GRHL2: variants seen among roughly 807,000 people sequenced by gnomAD.
The protein encoded by GRHL2 is grainyhead like transcription factor 2, also known as grainyhead-like protein 2 homolog.
In GRHL2, 21 loss-of-function variants were observed where a neutral mutation model predicts 83.8. That is an observed-to-expected ratio of 0.25 (90% CI 0.18 to 0.36). The LOEUF (loss-of-function observed/expected upper bound fraction) is 0.36. Ranked by LOEUF, GRHL2 falls within the 10% of genes least tolerant of loss-of-function variation. GRHL2 has a pLI of 1.00. For missense variants in GRHL2, 623 were observed against 781.8 expected (o/e 0.80, Z 2.42); for synonymous variants, 280 against 278.9 (o/e 1.00, Z -0.04).
chr8:101,517,559 T>G (rs1032521083), intron 1 of GRHL2, among the ~76,000 whole-genome samples: 2 of 152,244 alleles, frequency 1.3e-5, no homozygotes, highest in Non-Finnish European at 2.9e-5. Context: ...GATTCAGCTC[T>G]GCAAGACACT....
chr8:101,499,903 C>T lies in GRHL2; in HGVS notation c.20+7114C>T, dbSNP rs150922056. Among the ~76,000 whole-genome samples, 512 of 152,156 alleles carry T rather than the reference C, an allele frequency of 3.4e-3. 5 individuals are homozygous for T. Among genetic ancestry groups the T allele is most frequent in the African/African-American group, 0.012 (482 of 41,498 alleles). Reference sequence around the variant, plus strand: ...TCAGTCTGGCCAATATGGTGAAACCCCGTCTTTAGTAATAACACAAAAATT... The same window carrying T: ...TCAGTCTGGCCAATATGGTGAAACCTCGTCTTTAGTAATAACACAAAAATT... On this transcript the variant is annotated intron_variant, in intron 1 of 15. Coordinates refer to ENST00000646743, the MANE Select transcript of GRHL2 (RefSeq NM_024915.4).
intron 1 of GRHL2, among the ~76,000 whole-genome samples, chr8:101,496,599 G>T (rs1443922730): frequency 6.6e-6 from 1 of 152,136 alleles, no homozygotes; most frequent in Non-Finnish European, 1.5e-5. Flanking sequence ...GGGCAGGCTT[G>T]TTGACACTAA....
chr8:101,631,800 A>C, intron 10 of GRHL2, 76 bp downstream of exon 10: 1 of 1,232,998 alleles, frequency 8.1e-7, no homozygotes, highest in Non-Finnish European at 1.2e-6. Context: ...CAGGTGGAAG[A>C]AGTGGGTTGC....
intron 1 of GRHL2, among the ~76,000 whole-genome samples, chr8:101,521,386 G>C (rs1354556223): frequency 6.6e-6 from 1 of 152,176 alleles, no homozygotes; most frequent in Non-Finnish European, 1.5e-5. Flanking sequence ...TTCAGTGACG[G>C]GCAACAGGAT....
chr8:101,550,404 A>T (rs1811354924), intron 2 of GRHL2, among the ~76,000 whole-genome samples: 1 of 152,126 alleles, frequency 6.6e-6, no homozygotes, highest in Admixed American at 6.5e-5. Flanking sequence ...TGTCAATGTG[A>T]ACCCAATGTT....
At chr8:101,572,133 A>T (rs1196405376) in intron 5 of GRHL2, among the ~76,000 whole-genome samples, 1 of 152,196 alleles carries the variant, frequency 6.6e-6, no homozygotes, top group African/African-American at 2.4e-5. Context: ...TTTATCTGGG[A>T]AGGAAAATTC....
At position 101,520,107 on chromosome 8, in the gene GRHL2, A is replaced by T. The variant is rs143157268; in HGVS notation, c.21-23134A>T. ...AGAAGGGACATCTTGTGTAAGCAAC[A>T]TATTTTGTATGGATTTTATACAGAC... On this transcript the variant is annotated intron_variant, in intron 1 of 15. Transcript: ENST00000646743. Among the ~76,000 whole-genome samples, 69 of 152,330 alleles carry T rather than the reference A, an allele frequency of 4.5e-4. No individual in the cohort carries two copies. The East Asian group carries it at 0.013, about 28-fold the overall frequency.
At chr8:101,539,444 G>A (rs1043494020) in intron 1 of GRHL2, among the ~76,000 whole-genome samples, 9 of 152,056 alleles carry the variant, frequency 5.9e-5, no homozygotes, top group African/African-American at 2.2e-4. Context: ...GGCACCGAGG[G>A]TGGCCCCAAC....
intron 1 of GRHL2, among the ~76,000 whole-genome samples, chr8:101,511,887 G>A (rs1255478220): frequency 6.6e-6 from 1 of 152,010 alleles, no homozygotes; most frequent in Non-Finnish European, 1.5e-5. Flanking sequence ...TTACATAATT[G>A]TTTTTCTAGA....
At chr8:101,551,802 C>CT (rs2130151670) in intron 2 of GRHL2, among the ~76,000 whole-genome samples, 1 of 149,042 alleles carries the variant, frequency 6.7e-6, no homozygotes, top group Non-Finnish European at 1.5e-5. Context: ...TCAATGAGCA[C>CT]TTTTTCAATA....
rs150519700 is a variant in GRHL2, at chr8:101,510,216, C to T, written c.20+17427C>T. On this transcript the variant is annotated intron_variant, in intron 1 of 15. Transcript: ENST00000646743. ...TTCACCATGTTGCCCAGGCTGGTCT[C>T]GAACTCCTGGGCTCGAGTGATCAGC... is the stretch of plus-strand genomic sequence containing the variant. Among the ~76,000 whole-genome samples, 1,171 of 152,142 alleles carry T rather than the reference C, an allele frequency of 7.7e-3. 9 individuals carry two copies. Among genetic ancestry groups the T allele is most frequent in the Non-Finnish European group, 9.5e-3 (647 of 67,982 alleles).
At chr8:101,524,162 T>C (rs1810753617) in intron 1 of GRHL2, among the ~76,000 whole-genome samples, 1 of 152,248 alleles carries the variant, frequency 6.6e-6, no homozygotes, top group African/African-American at 2.4e-5. Context: ...TTTGTCTGTT[T>C]TCAAATATTA....
intron 14 of GRHL2, among the ~76,000 whole-genome samples, chr8:101,657,796 C>T (rs946219070): frequency 2.7e-5 from 4 of 150,020 alleles, no homozygotes; most frequent in Non-Finnish European, 5.9e-5. Flanking sequence ...GCGGAGATCC[C>T]GCCACTGCAC....
intron 7 of GRHL2, among the ~76,000 whole-genome samples, chr8:101,593,341 A>C (rs114101630): frequency 3.3e-3 from 498 of 152,308 alleles, no homozygotes; most frequent in African/African-American, 0.011. Flanking sequence ...TTGTTCACTC[A>C]TCCTCGCCAG....
At chr8:101,523,917 A>G (rs1251101877) in intron 1 of GRHL2, among the ~76,000 whole-genome samples, 1 of 152,174 alleles carries the variant, frequency 6.6e-6, no homozygotes, top group Non-Finnish European at 1.5e-5. Context: ...GTTTTGACTC[A>G]CATACTTATT....
At chr8:101,495,512 T>C (rs1810081539) in intron 1 of GRHL2, among the ~76,000 whole-genome samples, 1 of 152,228 alleles carries the variant, frequency 6.6e-6, no homozygotes, top group African/African-American at 2.4e-5. Context: ...TTATGAAGAT[T>C]TAAGATCTTT....
intron 9 of GRHL2, among the ~76,000 whole-genome samples, chr8:101,620,944 A>G (rs937712785): frequency 6.6e-6 from 1 of 152,092 alleles, no homozygotes; most frequent in Non-Finnish European, 1.5e-5. Flanking sequence ...AAAAAAAATT[A>G]TCGGAGTAAA....
At chr8:101,506,514 C>T (rs1201616124) in intron 1 of GRHL2, among the ~76,000 whole-genome samples, 1 of 152,128 alleles carries the variant, frequency 6.6e-6, no homozygotes, top group Non-Finnish European at 1.5e-5. Context: ...TGGTACTTTA[C>T]CAATCCCTTA....
intron 1 of GRHL2, among the ~76,000 whole-genome samples, chr8:101,513,379 T>C (rs771611994): frequency 6.6e-6 from 1 of 152,162 alleles, no homozygotes; most frequent in Non-Finnish European, 1.5e-5. Flanking sequence ...TAGAACAGTC[T>C]GTGAGACATG....
Sources: gnomAD v4.1 joint callset for allele counts (sites outside exome capture counted in the v4.1 genomes callset) on GRCh38, gnomAD v4.1.1 for gene constraint, MANE v1.5 for transcripts, NCBI Gene and HGNC (gene_info 2026-07-23, HGNC 2026-07-21) for gene names.